GALNT13: variants seen among roughly 807,000 people sequenced by gnomAD.
GALNT13 encodes the protein UDP-GalNAc:polypeptide N-acetylgalactosaminyltransferase 13.
In GALNT13, 28 loss-of-function variants were observed where a neutral mutation model predicts 64.2. That is an observed-to-expected ratio of 0.44 (90% CI 0.32 to 0.60). The LOEUF (loss-of-function observed/expected upper bound fraction) is 0.60. GALNT13 is among the 20% of genes least tolerant of loss of function. The probability of loss-of-function intolerance (pLI) is 0.05; values close to 1 mark genes in which losing one functional copy is unlikely to be tolerated. For synonymous variants in GALNT13, 214 were observed against 224.6 expected (o/e 0.95, Z 0.42); for missense variants, 577 against 669.8 (o/e 0.86, Z 1.53).
At chr2:153,746,671 A>G in the GALNT13 span, among the ~76,000 whole-genome samples, 1 of 152,086 alleles carries the variant, frequency 6.6e-6, no homozygotes, top group African/African-American at 2.4e-5. Context: ...CGTAGGTTAT[A>G]CTTATGTTAA....
At chr2:153,559,480 T>A in the GALNT13 span, among the ~76,000 whole-genome samples, 6 of 152,134 alleles carry the variant, frequency 3.9e-5, no homozygotes, top group African/African-American at 1.2e-4. Flanking sequence ...ATTTCTTGAA[T>A]AATTATAGTA....
At chr2:153,470,760 T>A in the GALNT13 span, among the ~76,000 whole-genome samples, 1 of 152,190 alleles carries the variant, frequency 6.6e-6, no homozygotes, top group African/African-American at 2.4e-5. Flanking sequence ...ACTTTGATGA[T>A]ATTAGGAGAC....
At chr2:154,415,379 CA>C (rs772558980) in intron 11 of GALNT13, among the ~76,000 whole-genome samples, 103 of 152,204 alleles carry the variant, frequency 6.8e-4, no homozygotes, top group Non-Finnish European at 1.2e-3. Context: ...AAAATATTCA[CA>C]ACCCTAGTGA....
intron 9 of GALNT13, among the ~76,000 whole-genome samples, chr2:154,350,474 C>T (rs1307823312): frequency 6.6e-6 from 1 of 152,198 alleles, no homozygotes; most frequent in Non-Finnish European, 1.5e-5. Flanking sequence ...TTGCCAGGGG[C>T]TCTCGGGCTT....
chr2:154,346,642 G>A (rs909918719), intron 9 of GALNT13, among the ~76,000 whole-genome samples: 1 of 152,102 alleles, frequency 6.6e-6, no homozygotes, highest in African/African-American at 2.4e-5. Context: ...CCCCAGCTAT[G>A]TGGAACTGTA....
At chr2:153,109,408 G>A in the GALNT13 span, among the ~76,000 whole-genome samples, 1 of 152,080 alleles carries the variant, frequency 6.6e-6, no homozygotes, top group East Asian at 1.9e-4. Context: ...TGATCTGAAG[G>A]CATGTACATG....
chr2:153,947,840 T>C (rs959965147), intron 3 of GALNT13, among the ~76,000 whole-genome samples: 5 of 152,106 alleles, frequency 3.3e-5, no homozygotes, highest in Non-Finnish European at 7.4e-5. Flanking sequence ...CTTTAATCCA[T>C]CTTGAGTTAA....
chr2:154,101,752 T>C (rs908335034), intron 3 of GALNT13, among the ~76,000 whole-genome samples: 1 of 152,106 alleles, frequency 6.6e-6, no homozygotes, highest in Non-Finnish European at 1.5e-5. Flanking sequence ...AATTATTAAT[T>C]TGATATCTTT....
At chr2:153,932,086 G>C (rs1381754573) in intron 2 of GALNT13, among the ~76,000 whole-genome samples, 1 of 152,092 alleles carries the variant, frequency 6.6e-6, no homozygotes, top group African/African-American at 2.4e-5. Context: ...TGTGTTAATA[G>C]AGGTGTTTAT....
the GALNT13 span, among the ~76,000 whole-genome samples, chr2:153,640,057 A>G: frequency 2.0e-5 from 3 of 152,252 alleles, no homozygotes; most frequent in South Asian, 6.2e-4. Flanking sequence ...TGCCAATTCC[A>G]TTGATTTCTG....
chr2:153,333,959 T>G, the GALNT13 span, among the ~76,000 whole-genome samples: 12 of 152,294 alleles, frequency 7.9e-5, no homozygotes, highest in South Asian at 2.5e-3. Context: ...AGTCTTTTCT[T>G]TGGAAACAGT....
At chr2:153,115,607 A>G in the GALNT13 span, among the ~76,000 whole-genome samples, 1 of 152,148 alleles carries the variant, frequency 6.6e-6, no homozygotes, top group Non-Finnish European at 1.5e-5. Context: ...GATGTGTTCT[A>G]AGAGCTCTGA....
the GALNT13 span, among the ~76,000 whole-genome samples, chr2:153,721,456 T>G: frequency 6.7e-6 from 1 of 148,158 alleles, no homozygotes; most frequent in Non-Finnish European, 1.5e-5. Context: ...AATTCACACA[T>G]AACAATATTA....
At chr2:154,419,302 T>C (rs953405022) in intron 11 of GALNT13, among the ~76,000 whole-genome samples, 2 of 152,152 alleles carry the variant, frequency 1.3e-5, no homozygotes, top group African/African-American at 4.8e-5. Flanking sequence ...ATGTTAAATA[T>C]GTCATGTTTG....
At chr2:154,278,890 A>G (rs1250857684) in intron 8 of GALNT13, among the ~76,000 whole-genome samples, 1 of 152,140 alleles carries the variant, frequency 6.6e-6, no homozygotes, top group East Asian at 1.9e-4. Flanking sequence ...GAGCAAAGTA[A>G]TTATTTTGTA....
chr2:153,630,805 A>ATATATT, the GALNT13 span, among the ~76,000 whole-genome samples: 1 of 15,006 alleles, frequency 6.7e-5, no homozygotes. Context: ...ATATATATAT[A>ATATATT]TATTTTTTTT....
At chr2:153,925,842 T>C (rs560984293) in intron 2 of GALNT13, among the ~76,000 whole-genome samples, 2 of 152,236 alleles carry the variant, frequency 1.3e-5, no homozygotes, top group South Asian at 4.1e-4. Context: ...AGTTCATTTG[T>C]GATTTGGTTG....
chr2:153,920,103 T>A (rs891405841), intron 2 of GALNT13, among the ~76,000 whole-genome samples: 1 of 151,282 alleles, frequency 6.6e-6, no homozygotes, highest in Non-Finnish European at 1.5e-5. Context: ...GGTTCTTTGA[T>A]ACAGACATTC....
intron 9 of GALNT13, among the ~76,000 whole-genome samples, chr2:154,335,639 C>T (rs911496788): frequency 6.6e-6 from 1 of 151,918 alleles, no homozygotes; most frequent in Admixed American, 6.6e-5. Flanking sequence ...AACGTATATA[C>T]ATTGAACATT....
Sources: allele counts gnomAD v4.1 joint callset (sites outside exome capture counted in the v4.1 genomes callset), GRCh38; gene constraint gnomAD v4.1.1; transcripts MANE v1.5; gene names NCBI Gene and HGNC (gene_info 2026-07-23, HGNC 2026-07-21).